Variants in FTCDNL1 observed in about 807,000 individuals in gnomAD.
FTCDNL1 encodes formiminotransferase cyclodeaminase N-terminal like, also known as formiminotransferase N-terminal subdomain-containing protein.
FTCDNL1 carries 11 observed loss-of-function variants against 5.9 expected under a neutral mutation model. The observed-to-expected ratio is 1.87, with a 90% CI of 1.18 to 3.10. The LOEUF (loss-of-function observed/expected upper bound fraction) is 3.10, where lower values mean the gene tolerates loss of function less well. FTCDNL1 is among the 30% of genes most tolerant of loss of function. FTCDNL1 has a pLI of 0.00. For synonymous variants in FTCDNL1, 58 were observed against 24.8 expected, an observed-to-expected ratio of 2.34 and a Z score of -3.99; for missense variants, 115 against 65.5, an observed-to-expected ratio of 1.76 and a Z score of -2.61.
chr2:199,736,687 G>A, the FTCDNL1 span, among the ~76,000 whole-genome samples: 1 of 152,152 alleles, frequency 6.6e-6, no homozygotes, highest in East Asian at 1.9e-4. Flanking sequence ...GGTGATGTTG[G>A]TTTTTACAGG....
At chr2:199,769,839 C>T (rs1238570457) in intron 3 of FTCDNL1, among the ~76,000 whole-genome samples, 1 of 152,184 alleles carries the variant, frequency 6.6e-6, no homozygotes. Context: ...GATCTCTTTA[C>T]TAAACTCTTC....
At chr2:199,804,010 T>C (rs62178293) in intron 3 of FTCDNL1, among the ~76,000 whole-genome samples, 11,508 of 152,304 alleles carry the variant, frequency 0.076, 564 homozygotes, top group Middle Eastern at 0.15. Context: ...CATATCTTGC[T>C]ATTTTATCTT....
chr2:199,813,353 G>A (rs1701147733), intron 4 of FTCDNL1, among the ~76,000 whole-genome samples: 1 of 151,714 alleles, frequency 6.6e-6, no homozygotes, highest in Non-Finnish European at 1.5e-5. Flanking sequence ...AATTAAAGGT[G>A]AAAGGATTCT....
At chr2:199,753,076 C>T in the FTCDNL1 span, among the ~76,000 whole-genome samples, 1 of 152,074 alleles carries the variant, frequency 6.6e-6, no homozygotes, top group Non-Finnish European at 1.5e-5. Flanking sequence ...TGAAACGGGG[C>T]CTTGCCTTCT....
At chr2:199,740,487 A>G in the FTCDNL1 span, among the ~76,000 whole-genome samples, 596 of 152,214 alleles carry the variant, frequency 3.9e-3, 3 homozygotes, top group Non-Finnish European at 7.5e-3. Flanking sequence ...TGCCCGGAGG[A>G]GTGGAGCACA....
the FTCDNL1 span, among the ~76,000 whole-genome samples, chr2:199,722,890 G>A: frequency 6.6e-6 from 1 of 152,054 alleles, no homozygotes; most frequent in Non-Finnish European, 1.5e-5. Flanking sequence ...TAGCAATTGT[G>A]AATGGGAGCT....
chr2:199,793,337 G>C (rs1574524816), intron 3 of FTCDNL1, among the ~76,000 whole-genome samples: 2 of 152,106 alleles, frequency 1.3e-5, no homozygotes, highest in East Asian at 1.9e-4. Context: ...CTGAGAGTTA[G>C]TTTCATATTT....
chr2:199,755,192 C>T, the FTCDNL1 span, among the ~76,000 whole-genome samples: 6 of 152,220 alleles, frequency 3.9e-5, no homozygotes, highest in Admixed American at 3.9e-4. Flanking sequence ...TTACTGGGTA[C>T]TTGGTTCATA....
chr2:199,765,556 A>ATATTTTTTTT, intron 3 of FTCDNL1, among the ~76,000 whole-genome samples: 4 of 42,648 alleles, frequency 9.4e-5, no homozygotes, highest in African/African-American at 1.3e-4. Flanking sequence ...ATATATATAT[A>ATATTTTTTTT]TTTTTTTTTT....
At chr2:199,712,650 G>A in the FTCDNL1 span, among the ~76,000 whole-genome samples, 1 of 152,118 alleles carries the variant, frequency 6.6e-6, no homozygotes, top group Non-Finnish European at 1.5e-5. Flanking sequence ...ACATCAAGGG[G>A]GCAAGAGGGC....
At chr2:199,701,335 A>C in the FTCDNL1 span, among the ~76,000 whole-genome samples, 1 of 36,274 alleles carries the variant, frequency 2.8e-5, no homozygotes, top group African/African-American at 9.9e-5. Context: ...AAAAAAAAAA[A>C]AAAAAAAAAA....
At chr2:199,718,760 G>A in the FTCDNL1 span, among the ~76,000 whole-genome samples, 1 of 152,230 alleles carries the variant, frequency 6.6e-6, no homozygotes, top group South Asian at 2.1e-4. Flanking sequence ...GGTGTAAGAC[G>A]CTATCTCGTT....
At chr2:199,703,536 G>C in the FTCDNL1 span, among the ~76,000 whole-genome samples, 43 of 152,200 alleles carry the variant, frequency 2.8e-4, 1 homozygote, top group East Asian at 7.9e-3. Flanking sequence ...ACTTTTTAAA[G>C]CCATATGTCT....
At chr2:199,794,040 T>C (rs1486364175) in intron 3 of FTCDNL1, among the ~76,000 whole-genome samples, 1 of 152,226 alleles carries the variant, frequency 6.6e-6, no homozygotes, top group Non-Finnish European at 1.5e-5. Context: ...AGCACCCTAG[T>C]GGACTCTGAT....
the FTCDNL1 span, among the ~76,000 whole-genome samples, chr2:199,745,474 T>C: frequency 6.6e-6 from 1 of 152,196 alleles, no homozygotes; most frequent in Non-Finnish European, 1.5e-5. Flanking sequence ...AACATTGTCA[T>C]TAGTCCATTT....
the FTCDNL1 span, among the ~76,000 whole-genome samples, chr2:199,738,509 A>G: frequency 2.6e-5 from 4 of 152,230 alleles, no homozygotes; most frequent in African/African-American, 4.8e-5. Context: ...TTAATGGAAT[A>G]TATAAATCTA....
chr2:199,810,262 T>C lies in FTCDNL1; in HGVS notation c.*2443A>G, dbSNP rs1369748431. On this transcript the variant is annotated 3_prime_UTR_variant, in exon 5 of 5. Transcript: ENST00000420128. ...TCCCTCTCTCCGAAACAAACTCCTG[T>C]CATTATTGAATTAGGTTAATATCAG... Among the ~76,000 whole-genome samples, 2 of 152,100 alleles carry C rather than the reference T, an allele frequency of 1.3e-5. No individual in the cohort carries two copies. The highest frequency in any genetic ancestry group is 2.9e-5 in the Non-Finnish European group (2 of 68,020).
chr2:199,682,169 G>A, the FTCDNL1 span, among the ~76,000 whole-genome samples: 1 of 152,278 alleles, frequency 6.6e-6, no homozygotes, highest in Non-Finnish European at 1.5e-5. Context: ...TTAGAGCAAA[G>A]CAGATTGCCT....
chr2:199,750,608 G>A, the FTCDNL1 span, among the ~76,000 whole-genome samples: 1 of 152,154 alleles, frequency 6.6e-6, no homozygotes, highest in African/African-American at 2.4e-5. Flanking sequence ...AGGACACCAG[G>A]TTCTAGAAAA....
Sources: gnomAD v4.1 joint callset for allele counts (sites outside exome capture counted in the v4.1 genomes callset) on GRCh38, gnomAD v4.1.1 for gene constraint, MANE v1.5 for transcripts, NCBI Gene and HGNC (gene_info 2026-07-23, HGNC 2026-07-21) for gene names.